Variants in ACTN1 observed in about 807,000 individuals in gnomAD.
ACTN1 encodes the protein actinin alpha 1.
Under a neutral mutation model 119.6 loss-of-function variants are expected in ACTN1, and 30 were observed. The ratio of observed to expected loss-of-function variants is 0.25; its 90% CI spans 0.19 to 0.34. ACTN1 has a LOEUF of 0.34. Ranked by LOEUF, ACTN1 falls within the 10% of genes least tolerant of loss-of-function variation. ACTN1 has a pLI of 1.00. For missense variants in ACTN1, 764 were observed against 1,223.4 expected, an observed-to-expected ratio of 0.62 and a Z score of 5.60; for synonymous variants, 429 against 472.6, an observed-to-expected ratio of 0.91 and a Z score of 1.20.
At chr14:68,906,617 C>T (rs954194460) in intron 6 of ACTN1, among the ~76,000 whole-genome samples, 4 of 152,166 alleles carry the variant, frequency 2.6e-5, no homozygotes, top group Non-Finnish European at 5.9e-5. Flanking sequence ...ACCCGCCCCA[C>T]GTGAGTTCCA....
chr14:68,918,719 T>C (rs1427927929), intron 3 of ACTN1, among the ~76,000 whole-genome samples: 5 of 147,728 alleles, frequency 3.4e-5, no homozygotes, highest in South Asian at 2.1e-4. Flanking sequence ...CACAGTGAAA[T>C]CCCATCTCTA....
At chr14:68,890,362 G>A in intron 10 of ACTN1, 76 bp from the exon 11 acceptor site, 4 of 1,539,978 alleles carry the variant, frequency 2.6e-6, no homozygotes, top group African/African-American at 1.4e-5. Context: ...CTAGACCCCT[G>A]AAGGTGCCCC....
chr14:68,932,513 C>CTTTTTTTTTTTTTTTT, intron 1 of ACTN1, among the ~76,000 whole-genome samples: 1 of 87,296 alleles, frequency 1.1e-5, no homozygotes, highest in Non-Finnish European at 2.1e-5. Context: ...ATACACCCAG[C>CTTTTTTTTTTTTTTTT]TTTTTTTTTT....
At chr14:68,890,015 A>G (rs2032348413) in intron 11 of ACTN1, 124 bp downstream of exon 11, 3 of 1,427,758 alleles carry the variant, frequency 2.1e-6, no homozygotes, top group African/African-American at 1.4e-5. Context: ...GCCTAAAGCC[A>G]TGGAACTAGT....
chr14:68,974,618 G>A (rs572684207), intron 1 of ACTN1, among the ~76,000 whole-genome samples: 12 of 152,040 alleles, frequency 7.9e-5, no homozygotes, highest in African/African-American at 2.7e-4. Flanking sequence ...CAGCAGAACC[G>A]CCTTCCTTTG....
intron 1 of ACTN1, among the ~76,000 whole-genome samples, chr14:68,954,315 A>AATTTATTTATTT (rs377224619): frequency 3.6e-4 from 55 of 151,840 alleles, no homozygotes; most frequent in African/African-American, 1.2e-3. Flanking sequence ...ACACACAGAG[A>AATTTATTTATTT]ATTTATTTAT....
At chr14:68,941,316 T>C (rs781469927) in intron 1 of ACTN1, among the ~76,000 whole-genome samples, 5 of 152,354 alleles carry the variant, frequency 3.3e-5, no homozygotes, top group Admixed American at 6.5e-5. Flanking sequence ...CTTGTTAAAA[T>C]ACAGATTGCT....
intron 11 of ACTN1, chr14:68,888,126 C>T (rs575408308): frequency 2.0e-5 from 12 of 593,332 alleles, no homozygotes; most frequent in South Asian, 3.4e-5. Flanking sequence ...CTGCGGGCCG[C>T]GGCATGCTGA....
At chr14:68,930,164 G>A (rs965746171) in intron 1 of ACTN1, among the ~76,000 whole-genome samples, 2 of 152,196 alleles carry the variant, frequency 1.3e-5, no homozygotes, top group Non-Finnish European at 2.9e-5. Flanking sequence ...CAGACACACT[G>A]CAATGTTTCT....
At chr14:68,943,552 A>G (rs1157007812) in intron 1 of ACTN1, among the ~76,000 whole-genome samples, 1 of 152,172 alleles carries the variant, frequency 6.6e-6, no homozygotes, top group Admixed American at 6.5e-5. Context: ...CCTTGAAAGG[A>G]AAGATCAGCG....
At chr14:68,905,830 A>C (rs1248189710) in intron 6 of ACTN1, among the ~76,000 whole-genome samples, 1 of 152,066 alleles carries the variant, frequency 6.6e-6, no homozygotes, top group Non-Finnish European at 1.5e-5. Context: ...CGTGTCTGCT[A>C]AAAATACAAA....
At chr14:68,883,208 G>C (rs1173667898) in intron 14 of ACTN1, 153 bp from the exon 15 acceptor site, 40 of 785,818 alleles carry the variant, frequency 5.1e-5, no homozygotes, top group Non-Finnish European at 7.2e-5. Flanking sequence ...GGCAGGTATG[G>C]CCACAGGAAG....
intron 3 of ACTN1, among the ~76,000 whole-genome samples, chr14:68,916,616 C>A (rs1001616202): frequency 2.6e-5 from 4 of 152,146 alleles, no homozygotes; most frequent in Non-Finnish European, 5.9e-5. Flanking sequence ...GTATACCGGG[C>A]CTCCGGCTTC....
At chr14:68,916,808 T>TCA (rs994225936) in intron 3 of ACTN1, among the ~76,000 whole-genome samples, 10 of 152,208 alleles carry the variant, frequency 6.6e-5, no homozygotes, top group African/African-American at 2.4e-4. Context: ...ATGAAGCTGC[T>TCA]CACATCCCCT....
chr14:68,925,656 C>T lies in ACTN1; in HGVS notation c.122G>A (p.Cys41Tyr). 1.2e-6 allele frequency: 2 copies of T among 1,612,428 alleles called. No individual in the cohort carries two copies. Among genetic ancestry groups the T allele is most frequent in the Non-Finnish European group, 1.7e-6 (2 of 1,179,152 alleles). ...CCCCGCCTTCCGGAGGTGGGAGTTACACCATGCCGTGAATGTCTGGGCAGA... is the reference window on the plus strand; with the variant it reads ...CCCCGCCTTCCGGAGGTGGGAGTTATACCATGCCGTGAATGTCTGGGCAGA... ...KQQRKTFTAW[C>Y]NSHLRKAGTQ... Residue 41 changes from cysteine to tyrosine, a missense_variant, in exon 2 of 22, where the codon TGT (cysteine) becomes TAT (tyrosine). Around this residue, in one of 4 missense-constraint regions of ACTN1, gnomAD observed 64 missense variants for 80.0 expected, o/e 0.80. Coordinates refer to ENST00000394419, the MANE Select transcript of ACTN1 (RefSeq NM_001130004.2). This position sits in a 1 kb window ranked among gnomAD's most constrained non-coding sequence, Gnocchi z 4.3.
intron 1 of ACTN1, among the ~76,000 whole-genome samples, chr14:68,932,807 T>C (rs1013928363): frequency 1.3e-5 from 2 of 152,088 alleles, no homozygotes; most frequent in African/African-American, 4.8e-5. Context: ...GCATCATAGA[T>C]GTTCAGCAGC....
intron 1 of ACTN1, among the ~76,000 whole-genome samples, chr14:68,975,450 G>A (rs2037028894): frequency 6.6e-6 from 1 of 152,104 alleles, no homozygotes; most frequent in African/African-American, 2.4e-5. Context: ...TTATAAGTAG[G>A]GAATTGGAGA....
At position 68,880,946 on chromosome 14, in the gene ACTN1, T is replaced by C; in HGVS notation, c.1997A>G (p.Asp666Gly). ...ATACTGCCGCAGGTGGCTGAGCTGG[T>C]CCTCCAGGGTCCCATGCATCTCAAT... ...ISIEMHGTLE[D>G]QLSHLRQYEK... Residue 666 changes from aspartate (D) to glycine (G), a missense_variant, in exon 17 of 22, where the codon GAC (aspartate) becomes GGC (glycine). By Grantham distance (94) the Asp-to-Gly change is moderately conservative. Coordinates refer to ENST00000394419, the MANE Select transcript of ACTN1 (RefSeq NM_001130004.2). The surrounding 1 kb of genome is among the most constrained non-coding windows in gnomAD (Gnocchi z 4.6). 1 of 1,614,096 alleles carries C rather than the reference T, an allele frequency of 6.2e-7. No homozygotes were observed. Among genetic ancestry groups the C allele is most frequent in the Non-Finnish European group, 8.5e-7 (1 of 1,180,010 alleles).
At position 68,925,517 on chromosome 14, in the gene ACTN1, C is replaced by T. The variant is rs772450620; in HGVS notation, c.220+41G>A. ...GCAGATGCCAAGGTGTCAGGCAGCA[C>T]CAATAGACAGTATCTCGTCCTGGGC... On this transcript the variant is annotated intron_variant, in intron 2 of 21. Transcript: ENST00000394419. This position sits in a 1 kb window ranked among gnomAD's most constrained non-coding sequence, Gnocchi z 4.3. The T allele has an allele frequency of 1.4e-5, 22 of 1,553,406 alleles. No individual in the cohort carries two copies. The South Asian group carries it at 2.2e-4, about 15-fold the overall frequency.
Sources: gnomAD v4.1 joint callset for allele counts (sites outside exome capture counted in the v4.1 genomes callset) on GRCh38, gnomAD v4.1.1 for gene constraint, gnomAD v4.1.1 regional missense constraint, Gnocchi (gnomAD v3.1) non-coding constraint, MANE v1.5 for transcripts, NCBI Gene and HGNC (gene_info 2026-07-23, HGNC 2026-07-21) for gene names.